Variants in FHIT observed in about 807,000 individuals in gnomAD.
The protein encoded by FHIT is bis(5'-adenosyl)-triphosphatase.
In FHIT, 19 loss-of-function variants were observed where a neutral mutation model predicts 17.9. The ratio of observed to expected loss-of-function variants is 1.06; its 90% CI spans 0.74 to 1.56. The LOEUF is 1.56. FHIT is among the 40% of genes most tolerant of loss of function. FHIT has a pLI of 0.00. For synonymous variants in FHIT, 81 were observed against 69.7 expected (o/e 1.16, Z -0.81); for missense variants, 248 against 189.2 (o/e 1.31, Z -1.82).
chr3:60,903,665 G>A (rs991547291), intron 3 of FHIT, among the ~76,000 whole-genome samples: 1 of 152,144 alleles, frequency 6.6e-6, no homozygotes, highest in Non-Finnish European at 1.5e-5. Context: ...TTATCACATG[G>A]TAATAAATGA....
Position 59,936,843 on chromosome 3 carries a change from A to G in FHIT, c.280-14429T>C, listed in dbSNP as rs181774453. Among the ~76,000 whole-genome samples the G allele has an allele frequency of 9.5e-4, 145 of 152,308 alleles. 3 individuals are homozygous for G. Among genetic ancestry groups the G allele is most frequent in the Admixed American group, 8.3e-3 (127 of 15,288 alleles). ...CAATACTACTGTGGTTTTTGCCTCT[A>G]AGATCTGGTTTAAATAAAAGTGATA... On this transcript the variant is annotated intron_variant, in intron 7 of 9. Transcript: ENST00000492590.
At chr3:59,944,240 C>A (rs924438824) in intron 7 of FHIT, among the ~76,000 whole-genome samples, 1 of 152,196 alleles carries the variant, frequency 6.6e-6, no homozygotes, top group African/African-American at 2.4e-5. Context: ...ACCCAGGACA[C>A]TGACATTGGT....
intron 3 of FHIT, among the ~76,000 whole-genome samples, chr3:61,034,670 A>G (rs1220782282): frequency 6.6e-6 from 1 of 152,232 alleles, no homozygotes; most frequent in East Asian, 1.9e-4. Flanking sequence ...GGAACTCTCC[A>G]ACAATGCTGG....
chr3:60,722,941 G>A (rs562736448), intron 4 of FHIT, among the ~76,000 whole-genome samples: 3 of 151,898 alleles, frequency 2.0e-5, no homozygotes, highest in East Asian at 1.9e-4. Flanking sequence ...CGCTGGTCTC[G>A]AACTCCTGAC....
intron 3 of FHIT, among the ~76,000 whole-genome samples, chr3:60,835,388 T>A (rs1365635502): frequency 6.6e-6 from 1 of 152,200 alleles, no homozygotes; most frequent in African/African-American, 2.4e-5. Flanking sequence ...TTTACATTTT[T>A]AAAATTTATT....
At chr3:59,906,146 A>G (rs1704575264) in intron 8 of FHIT, among the ~76,000 whole-genome samples, 1 of 152,172 alleles carries the variant, frequency 6.6e-6, no homozygotes, top group South Asian at 2.1e-4. Flanking sequence ...CATTTGCTCT[A>G]TGAGAATAAC....
chr3:60,354,783 A>G (rs1220270118), intron 5 of FHIT, among the ~76,000 whole-genome samples: 3 of 152,134 alleles, frequency 2.0e-5, no homozygotes, highest in Admixed American at 2.0e-4. Flanking sequence ...AATATAAACC[A>G]TTATCTTAGG....
intron 3 of FHIT, among the ~76,000 whole-genome samples, chr3:60,962,093 C>A (rs1553781177): frequency 6.6e-6 from 1 of 152,192 alleles, no homozygotes; most frequent in African/African-American, 2.4e-5. Flanking sequence ...TTTGTATCCT[C>A]TTTTATTTCA....
At chr3:61,066,730 C>T (rs777817500) in intron 2 of FHIT, among the ~76,000 whole-genome samples, 2 of 152,186 alleles carry the variant, frequency 1.3e-5, no homozygotes, top group Non-Finnish European at 2.9e-5. Context: ...TTTAAGAATT[C>T]TCCTAGTTAG....
chr3:61,016,364 G>A (rs764769752), intron 3 of FHIT, among the ~76,000 whole-genome samples: 1 of 152,156 alleles, frequency 6.6e-6, no homozygotes, highest in African/African-American at 2.4e-5. Context: ...TAAGTACCAC[G>A]TTGTCAAAAC....
At chr3:61,098,419 C>T (rs1426245052) in intron 2 of FHIT, among the ~76,000 whole-genome samples, 1 of 152,098 alleles carries the variant, frequency 6.6e-6, no homozygotes, top group East Asian at 1.9e-4. Flanking sequence ...TTGGGATTGC[C>T]TTGGCTCTTG....
intron 5 of FHIT, among the ~76,000 whole-genome samples, chr3:60,216,420 G>A (rs768640193): frequency 2.6e-4 from 40 of 152,058 alleles, no homozygotes; most frequent in Non-Finnish European, 4.7e-4. Context: ...CCCAGAAGAC[G>A]TTTTATTTCA....
chr3:60,486,904 A>T (rs2033866529), intron 5 of FHIT, among the ~76,000 whole-genome samples: 1 of 152,154 alleles, frequency 6.6e-6, no homozygotes, highest in African/African-American at 2.4e-5. Flanking sequence ...ACATTACAAA[A>T]TGCAACTACA....
chr3:60,120,453 C>A (rs1414070094), intron 5 of FHIT, among the ~76,000 whole-genome samples: 1 of 152,214 alleles, frequency 6.6e-6, no homozygotes, highest in Non-Finnish European at 1.5e-5. Flanking sequence ...CCATGGAAGG[C>A]ATAATTTTAG....
intron 3 of FHIT, among the ~76,000 whole-genome samples, chr3:60,903,293 G>T (rs1559815199): frequency 6.6e-6 from 1 of 152,168 alleles, no homozygotes; most frequent in Admixed American, 6.5e-5. Flanking sequence ...GGTATTTCTT[G>T]AGTATATTCT....
intron 2 of FHIT, among the ~76,000 whole-genome samples, chr3:61,137,751 A>G (rs1369574935): frequency 6.6e-6 from 1 of 152,214 alleles, no homozygotes; most frequent in African/African-American, 2.4e-5. Context: ...CCAAGGTTAG[A>G]AAGTGCAGAC....
chr3:61,176,941 C>T (rs1285903969), intron 2 of FHIT, among the ~76,000 whole-genome samples: 5 of 152,072 alleles, frequency 3.3e-5, no homozygotes, highest in African/African-American at 1.2e-4. Context: ...TTTGGGAGGC[C>T]GAGGCGGGCA....
intron 2 of FHIT, among the ~76,000 whole-genome samples, chr3:61,143,531 G>A (rs895563690): frequency 7.2e-5 from 11 of 152,082 alleles, no homozygotes; most frequent in African/African-American, 2.2e-4. Flanking sequence ...TGGTCTTGTC[G>A]TTATTTAGCA....
At position 61,104,533 on chromosome 3, in the gene FHIT, C is replaced by T. The variant is rs182165999; in HGVS notation, c.-163-62434G>A. ...GTCATTTCAACCATGGAGAATCTGA[C>T]GATTATGTGTTTTGGGGATGATCTT... On this transcript the variant is annotated intron_variant, in intron 2 of 9. Transcript: ENST00000492590. Among the ~76,000 whole-genome samples, 133 of 152,220 alleles carry T rather than the reference C, an allele frequency of 8.7e-4. 1 individual carries two copies. The highest frequency in any genetic ancestry group is 1.4e-3 in the Admixed American group (21 of 15,278).
Sources: gnomAD v4.1 joint callset for allele counts (sites outside exome capture counted in the v4.1 genomes callset) on GRCh38, gnomAD v4.1.1 for gene constraint, MANE v1.5 for transcripts, NCBI Gene and HGNC (gene_info 2026-07-23, HGNC 2026-07-21) for gene names.